The following SLC4A7 variants were observed in gnomAD, a reference collection of about 807,000 sequenced individuals.
SLC4A7 encodes the protein sodium bicarbonate cotransporter 3.
In SLC4A7, 51 loss-of-function variants were observed where a neutral mutation model predicts 137.6. That is an observed-to-expected ratio of 0.37 (90% CI 0.30 to 0.47). The LOEUF (loss-of-function observed/expected upper bound fraction) is 0.47. Ranked by LOEUF, SLC4A7 falls within the 20% of genes least tolerant of loss-of-function variation. The pLI, the probability that SLC4A7 is intolerant of heterozygous loss-of-function variation, is 1.00. For missense variants in SLC4A7, 1,247 were observed against 1,525.4 expected (o/e 0.82, Z 3.04); for synonymous variants, 542 against 518.6 (o/e 1.05, Z -0.61).
intron 3 of SLC4A7, among the ~76,000 whole-genome samples, chr3:27,440,291 G>A (rs2057085157): frequency 6.6e-6 from 1 of 152,090 alleles, no homozygotes; most frequent in South Asian, 2.1e-4. Flanking sequence ...CTGGGGTCAG[G>A]ATCCCTTCCT....
At chr3:27,444,129 TTC>T (rs1248788343) in intron 3 of SLC4A7, among the ~76,000 whole-genome samples, 4 of 152,306 alleles carry the variant, frequency 2.6e-5, no homozygotes, top group South Asian at 2.1e-4. Context: ...CTTATCAATA[TTC>T]TGTTTATTTA....
chr3:27,447,015 T>A (rs573832175), intron 3 of SLC4A7, among the ~76,000 whole-genome samples: 124 of 150,938 alleles, frequency 8.2e-4, no homozygotes, highest in Non-Finnish European at 1.6e-3. Context: ...CCCAAATAGG[T>A]GGGATTACAG....
chr3:27,390,303 C>G (rs1326628034), intron 21 of SLC4A7, 199 bp from the exon 22 acceptor site: 3 of 460,802 alleles, frequency 6.5e-6, no homozygotes, highest in African/African-American at 2.0e-5. Context: ...AGGTGGGAAC[C>G]AAGCAACCAC....
Position 27,481,495 on chromosome 3 carries a change from TAG to T in SLC4A7, c.60+2570_60+2571del, listed in dbSNP as rs564143419. Among the ~76,000 whole-genome samples, 5 of 152,354 alleles carry T rather than the reference TAG, an allele frequency of 3.3e-5. No homozygotes were observed. In the South Asian group the frequency reaches 8.3e-4, roughly 25 times the overall value. Reference sequence around the variant, plus strand: ...CTATGCTGAGCAGTCTGCTGCGAGTTAGAGTTATGACTGATGAATATCATGAT... The same window carrying T: ...CTATGCTGAGCAGTCTGCTGCGAGTTAGTTATGACTGATGAATATCATGAT... On this transcript the variant is annotated intron_variant, in intron 1 of 25. Coordinates refer to ENST00000454389, the MANE Select transcript of SLC4A7 (RefSeq NM_001321103.2).
chr3:27,478,472 C>T (rs994952579), intron 1 of SLC4A7, among the ~76,000 whole-genome samples: 1 of 144,466 alleles, frequency 6.9e-6, no homozygotes, highest in African/African-American at 2.6e-5. Flanking sequence ...GACCCAAGAT[C>T]GTACCACTGC....
At chr3:27,401,648 G>C (rs2052754195) in intron 15 of SLC4A7, among the ~76,000 whole-genome samples, 1 of 152,144 alleles carries the variant, frequency 6.6e-6, no homozygotes, top group African/African-American at 2.4e-5. Flanking sequence ...AAGGGGCTAT[G>C]ATGTGAATAA....
Position 27,376,759 on chromosome 3 carries a change from C to A in SLC4A7, c.*5G>T, listed in dbSNP as rs774759164. 1.3e-6 allele frequency: 2 copies of A among 1,568,714 alleles called. No homozygotes were observed. The highest frequency in any genetic ancestry group is 2.3e-5 in the South Asian group (2 of 88,164). On this transcript the variant is annotated 3_prime_UTR_variant, in exon 26 of 26. Coordinates refer to ENST00000454389, the MANE Select transcript of SLC4A7 (RefSeq NM_001321103.2). The stretch of plus-strand genomic sequence containing the variant: ...TCTATATGTATAATGCCTCTTGGTT[C>A]AATTCTATAATGAAGTTTCAGCATC...
chr3:27,463,836 T>C (rs1004332320), intron 1 of SLC4A7, among the ~76,000 whole-genome samples: 5 of 152,168 alleles, frequency 3.3e-5, no homozygotes, highest in Non-Finnish European at 7.4e-5. Context: ...TGTGTTGTTC[T>C]TTTCGCCGGC....
intron 21 of SLC4A7, among the ~76,000 whole-genome samples, chr3:27,390,477 G>C (rs573865072): frequency 6.6e-6 from 1 of 152,062 alleles, no homozygotes; most frequent in Admixed American, 6.5e-5. Flanking sequence ...TGACTTCTAA[G>C]GTTCTTCACA....
intron 3 of SLC4A7, among the ~76,000 whole-genome samples, chr3:27,441,261 T>G (rs2057172522): frequency 6.6e-6 from 1 of 152,186 alleles, no homozygotes; most frequent in Admixed American, 6.5e-5. Context: ...CAAAAATATT[T>G]TGTCCGTAGT....
chr3:27,444,922 A>G (rs1417792196), intron 3 of SLC4A7, among the ~76,000 whole-genome samples: 1 of 152,144 alleles, frequency 6.6e-6, no homozygotes, highest in East Asian at 1.9e-4. Flanking sequence ...GTAGTGTAAT[A>G]CTTTGCCCTG....
chr3:27,434,207 G>A, intron 5 of SLC4A7, 103 bp from the exon 6 acceptor site: 1 of 700,448 alleles, frequency 1.4e-6, no homozygotes, highest in Non-Finnish European at 2.2e-6. Flanking sequence ...ACCTTAAATA[G>A]CTCTAGAAAG....
chr3:27,436,460 C>T lies in SLC4A7; in HGVS notation c.517G>A (p.Glu173Lys). 6.2e-7 allele frequency: 1 copy of T among 1,613,492 alleles called. No individual in the cohort carries two copies. Among genetic ancestry groups the T allele is most frequent in the Non-Finnish European group, 8.5e-7 (1 of 1,179,590 alleles). ...VATLSLHSLFELRSCILNGTV... is the reference protein window; with the variant it reads ...VATLSLHSLFKLRSCILNGTV... ...CCATTGAGGATGCAACTCCTTAGTT[C>T]AAAAAGACTGTGCAAAGAGAGAGTT... Residue 173 changes from glutamate (E) to lysine (K), a missense_variant, in exon 5 of 26, where the codon GAA becomes AAA. Physicochemically the swap from Glu to Lys is moderately conservative, Grantham distance 56. Transcript: ENST00000454389.
At chr3:27,406,421 C>G (rs766186121) in intron 13 of SLC4A7, among the ~76,000 whole-genome samples, 2 of 152,076 alleles carry the variant, frequency 1.3e-5, no homozygotes, top group Non-Finnish European at 2.9e-5. Context: ...AGAATAAAAA[C>G]AGGATCAAAC....
chr3:27,480,420 G>A (rs1476678709), intron 1 of SLC4A7, among the ~76,000 whole-genome samples: 3 of 151,988 alleles, frequency 2.0e-5, no homozygotes, highest in African/African-American at 4.8e-5. Context: ...GTAGAGACAG[G>A]GTCCCATTAT....
rs780397694 is a variant in SLC4A7, at chr3:27,431,564, A to C, written c.884T>G (p.Leu295Arg). Reference sequence around the variant, plus strand: ...AGGGGTTCCAGCTCTTGAAGAAGGAAGAAGATGACCAAGAAGAAGAGATAA... The same window carrying C: ...AGGGGTTCCAGCTCTTGAAGAAGGACGAAGATGACCAAGAAGAAGAGATAA... ...SPLSLLLGHL[L>R]PSSRAGTPAG... Residue 295 changes from leucine to arginine, a missense_variant, in exon 7 of 26, where the codon CTT (leucine) becomes CGT (arginine). Physicochemically the swap from Leu to Arg is moderately radical, Grantham distance 102. Around this residue, in one of 6 missense-constraint regions of SLC4A7, gnomAD observed 223 missense variants for 203.6 expected, o/e 1.10. Transcript: ENST00000454389. The C allele has an allele frequency of 4.3e-6, 7 of 1,613,978 alleles. No homozygotes were observed. The highest frequency in any genetic ancestry group is 5.9e-6 in the Non-Finnish European group (7 of 1,179,990).
At chr3:27,463,859 C>G (rs541635316) in intron 1 of SLC4A7, among the ~76,000 whole-genome samples, 102 of 152,306 alleles carry the variant, frequency 6.7e-4, no homozygotes, top group East Asian at 2.9e-3. Flanking sequence ...AGTTCATAAC[C>G]CCTTACCTTT....
rs200009609 is a variant in SLC4A7, at chr3:27,446,010, TAA to T, written c.289+2639_289+2640del. 9.1e-3 allele frequency among the ~76,000 whole-genome samples: 1,187 copies of T among 130,090 alleles called. 11 individuals carry two copies. The highest frequency in any genetic ancestry group is 0.041 in the Middle Eastern group (9 of 218). The allele number at this position is 130,090 out of a possible 152,430, so 85.3% of individuals were successfully genotyped here. A position where few individuals can be genotyped will look rare whatever the true frequency, so the allele number is the denominator to read the frequency against. ...TATATATAGTGCCCTTGAAATTTGC[TAA>T]GAGAGTAGACTTTAATTATGTGTAT... is the stretch of plus-strand genomic sequence containing the variant. On this transcript the variant is annotated intron_variant, in intron 3 of 25. Coordinates refer to ENST00000454389, the MANE Select transcript of SLC4A7 (RefSeq NM_001321103.2).
chr3:27,439,878 CT>C (rs2057052955), intron 3 of SLC4A7, among the ~76,000 whole-genome samples: 1 of 152,136 alleles, frequency 6.6e-6, no homozygotes, highest in Non-Finnish European at 1.5e-5. Flanking sequence ...TGTAGATGCT[CT>C]TTATCAGGTT....
Sources: gnomAD v4.1 joint callset for allele counts (sites outside exome capture counted in the v4.1 genomes callset) on GRCh38, gnomAD v4.1.1 for gene constraint, gnomAD v4.1.1 regional missense constraint, MANE v1.5 for transcripts, NCBI Gene and HGNC (gene_info 2026-07-23, HGNC 2026-07-21) for gene names.